PIWIL1: variants seen among roughly 807,000 people sequenced by gnomAD.
PIWIL1 encodes the protein piwi like RNA-mediated gene silencing 1.
In PIWIL1, 73 loss-of-function variants were observed where a neutral mutation model predicts 114.4. The ratio of observed to expected loss-of-function variants is 0.64; its 90% CI spans 0.53 to 0.78. The LOEUF (loss-of-function observed/expected upper bound fraction) is 0.78, where lower values mean the gene tolerates loss of function less well. PIWIL1 is among the 30% of genes least tolerant of loss of function. The probability of loss-of-function intolerance (pLI) is 0.00; values close to 1 mark genes in which losing one functional copy is unlikely to be tolerated. For missense variants in PIWIL1, 723 were observed against 1,063.1 expected (o/e 0.68, Z 4.45); for synonymous variants, 375 against 369.0 (o/e 1.02, Z -0.19).
chr12:130,370,256 A>C (rs2073782786), intron 19 of PIWIL1, among the ~76,000 whole-genome samples: 1 of 152,152 alleles, frequency 6.6e-6, no homozygotes, highest in Admixed American at 6.5e-5. Flanking sequence ...AAAAAAAAAA[A>C]AACTAATGCG....
the PIWIL1 span, among the ~76,000 whole-genome samples, chr12:130,381,820 T>A: frequency 6.6e-6 from 1 of 152,214 alleles, no homozygotes; most frequent in Non-Finnish European, 1.5e-5. Context: ...CGTTTGCTAT[T>A]GTCATTGTGG....
At chr12:130,369,205 T>C (rs1335746025) in intron 19 of PIWIL1, among the ~76,000 whole-genome samples, 1 of 152,186 alleles carries the variant, frequency 6.6e-6, no homozygotes, top group African/African-American at 2.4e-5. Flanking sequence ...GCTTCATCCA[T>C]GTCCCTGCAA....
chr12:130,358,693 C>T (rs1358038741), intron 14 of PIWIL1, among the ~76,000 whole-genome samples: 3 of 152,162 alleles, frequency 2.0e-5, no homozygotes, highest in African/African-American at 7.2e-5. Context: ...CCCCCCTTTT[C>T]TCAAGCTAGT....
At chr12:130,399,529 C>CA in the PIWIL1 span, 1 of 781,774 alleles carries the variant, frequency 1.3e-6, no homozygotes, top group Non-Finnish European at 2.0e-6. Context: ...TTTTTAGGTA[C>CA]AACTCCCATG....
the PIWIL1 span, among the ~76,000 whole-genome samples, chr12:130,412,971 ATGACTC>A: frequency 6.6e-6 from 1 of 152,154 alleles, no homozygotes; most frequent in African/African-American, 2.4e-5. Context: ...CCCTCGCTCT[ATGACTC>A]TGACTTAAGA....
chr12:130,407,923 G>T, the PIWIL1 span: 3 of 1,104,394 alleles, frequency 2.7e-6, no homozygotes, highest in South Asian at 3.7e-5. Flanking sequence ...GGCCAATACA[G>T]CCGAGACCTG....
chr12:130,368,925 C>T (rs1334950783), intron 19 of PIWIL1, among the ~76,000 whole-genome samples: 1 of 151,704 alleles, frequency 6.6e-6, no homozygotes, highest in Non-Finnish European at 1.5e-5. Context: ...GACACACGTG[C>T]AGGACGTACA....
chr12:130,338,955 C>T (rs1017679438), intron 1 of PIWIL1, among the ~76,000 whole-genome samples: 3 of 151,814 alleles, frequency 2.0e-5, no homozygotes, highest in Non-Finnish European at 2.9e-5. Flanking sequence ...GGGCGGAGGT[C>T]TCCGCATTGG....
chr12:130,403,074 AGAG>A, the PIWIL1 span, among the ~76,000 whole-genome samples: 1 of 152,224 alleles, frequency 6.6e-6, no homozygotes, highest in Non-Finnish European at 1.5e-5. Context: ...GAACAGAGAA[AGAG>A]GAGGGTGATA....
chr12:130,394,009 T>C, the PIWIL1 span, among the ~76,000 whole-genome samples: 1 of 152,212 alleles, frequency 6.6e-6, no homozygotes, highest in Middle Eastern at 3.2e-3. Flanking sequence ...GGATTCCTTA[T>C]TGACGTCTTT....
Position 130,357,478 on chromosome 12 carries a change from T to C in PIWIL1, c.1593-3T>C. On this transcript the variant is annotated splice_polypyrimidine_tract_variant and splice_region_variant and intron_variant, in intron 13 of 20. Coordinates refer to ENST00000245255, the MANE Select transcript of PIWIL1 (RefSeq NM_004764.5). ...AGTGTTGGATTGTGTACTTTCATTC[T>C]AGGATTGAAGTGGATGACAGAACTG... The C allele has an allele frequency of 6.2e-7, 1 of 1,610,568 alleles. No homozygotes were observed. The highest frequency in any genetic ancestry group is 8.5e-7 in the Non-Finnish European group (1 of 1,176,818).
chr12:130,414,315 A>C, the PIWIL1 span: 5 of 1,571,330 alleles, frequency 3.2e-6, no homozygotes, highest in Non-Finnish European at 4.3e-6. Flanking sequence ...GTCTGCGAGC[A>C]AGTGGGGGTG....
At chr12:130,396,673 G>A in the PIWIL1 span, 1 of 152,630 alleles carries the variant, frequency 6.6e-6, no homozygotes, top group Non-Finnish European at 1.5e-5. Flanking sequence ...GAAGGTTGGA[G>A]TACTGGTGCT....
At chr12:130,407,864 T>C in the PIWIL1 span, 5 of 1,581,408 alleles carry the variant, frequency 3.2e-6, no homozygotes, top group Non-Finnish European at 4.3e-6. Flanking sequence ...AAATCCATCA[T>C]GAGGTTATTT....
the PIWIL1 span, chr12:130,424,252 T>G: frequency 8.1e-7 from 1 of 1,231,708 alleles, no homozygotes; most frequent in Admixed American, 4.2e-5. This position sits in a 1 kb window ranked among gnomAD's most constrained non-coding sequence, Gnocchi z 9.8. Flanking sequence ...TGGTGCTCGG[T>G]GGGCTCGCCC....
At chr12:130,425,142 G>A in the PIWIL1 span, 3 of 320,604 alleles carry the variant, frequency 9.4e-6, no homozygotes, top group East Asian at 9.6e-5. Flanking sequence ...GAGGGCAGGT[G>A]AGATCCCGGC....
chr12:130,361,130 C>G, intron 14 of PIWIL1, 50 bp from the exon 15 acceptor site: 1 of 1,562,114 alleles, frequency 6.4e-7, no homozygotes, highest in South Asian at 1.1e-5. Context: ...CTCCCTTGCT[C>G]TTAATCATCT....
intron 14 of PIWIL1, among the ~76,000 whole-genome samples, chr12:130,358,569 G>A (rs2073427226): frequency 6.6e-6 from 1 of 152,112 alleles, no homozygotes; most frequent in Non-Finnish European, 1.5e-5. Flanking sequence ...CCCAGGACAT[G>A]TTAATCACTG....
the PIWIL1 span, chr12:130,396,449 C>CTT: frequency 6.6e-6 from 1 of 152,650 alleles, no homozygotes; most frequent in South Asian, 2.1e-4. Flanking sequence ...GTAAGTAAGT[C>CTT]TTTTGTTCAA....
Sources: allele counts gnomAD v4.1 joint callset (sites outside exome capture counted in the v4.1 genomes callset), GRCh38; gene constraint gnomAD v4.1.1; non-coding constraint Gnocchi (gnomAD v3.1); transcripts MANE v1.5; gene names NCBI Gene and HGNC (gene_info 2026-07-23, HGNC 2026-07-21).